CNTNAP2: variants seen among roughly 807,000 people sequenced by gnomAD.
The protein encoded by CNTNAP2 is contactin-associated protein-like 2.
CNTNAP2 carries 98 observed loss-of-function variants against 155.2 expected under a neutral mutation model. The ratio of observed to expected loss-of-function variants is 0.63; its 90% CI spans 0.54 to 0.75. CNTNAP2 has a LOEUF of 0.75. Ranked by LOEUF, CNTNAP2 falls within the 30% of genes least tolerant of loss-of-function variation. The pLI is 0.00. For synonymous variants in CNTNAP2, 651 were observed against 631.2 expected (o/e 1.03, Z -0.47); for missense variants, 1,727 against 1,688.1 (o/e 1.02, Z -0.40).
chr7:146,519,185 G>A (rs1424206326), intron 1 of CNTNAP2, among the ~76,000 whole-genome samples: 2 of 151,712 alleles, frequency 1.3e-5, no homozygotes, highest in Non-Finnish European at 2.9e-5. Flanking sequence ...ATAATATAAG[G>A]CAGTTTGCTG....
At chr7:146,884,246 C>A (rs574780154) in intron 3 of CNTNAP2, among the ~76,000 whole-genome samples, 1 of 151,982 alleles carries the variant, frequency 6.6e-6, no homozygotes, top group Admixed American at 6.6e-5. Flanking sequence ...TTGATCCCCA[C>A]GTTTGGTTGA....
At chr7:146,902,882 A>G (rs1219493981) in intron 3 of CNTNAP2, among the ~76,000 whole-genome samples, 1 of 152,194 alleles carries the variant, frequency 6.6e-6, no homozygotes, top group East Asian at 1.9e-4. Flanking sequence ...ACGTGTGGTA[A>G]GGTCATGAAA....
chr7:148,183,410 A>G (rs1795069520), intron 18 of CNTNAP2, among the ~76,000 whole-genome samples: 1 of 151,886 alleles, frequency 6.6e-6, no homozygotes, highest in Admixed American at 6.6e-5. Flanking sequence ...GTTTTAAAGC[A>G]TCTCAATTTT....
chr7:147,240,692 T>C (rs1432137320), intron 8 of CNTNAP2, among the ~76,000 whole-genome samples: 1 of 152,136 alleles, frequency 6.6e-6, no homozygotes, highest in Non-Finnish European at 1.5e-5. Flanking sequence ...CAGCACTGAG[T>C]AGGTCTCAGC....
intron 1 of CNTNAP2, among the ~76,000 whole-genome samples, chr7:146,288,230 C>T (rs1012620292): frequency 5.4e-5 from 8 of 148,142 alleles, no homozygotes; most frequent in African/African-American, 1.8e-4. Context: ...CCTGGGAGGC[C>T]GAGGCTACAG....
chr7:147,562,213 G>T lies in CNTNAP2; in HGVS notation c.1853G>T (p.Gly618Val). 6.2e-7 allele frequency: 1 copy of T among 1,614,006 alleles called. No homozygotes were observed. The highest frequency in any genetic ancestry group is 8.5e-7 in the Non-Finnish European group (1 of 1,179,936). ...AATTATTACTGGATAGATCCTGATG[G>T]CAGCGGACCTCTGGGGCCTCTGAAA... ...TSNYYWIDPD[G>V]SGPLGPLKVY... The change falls in exon 12 of 24, where the codon GGC becomes GTC. Residue 618 changes from glycine (G) to valine (V), a missense_variant. By Grantham distance (109) the Gly-to-Val change is moderately radical (BLOSUM62 -3). Coordinates refer to ENST00000361727, the MANE Select transcript of CNTNAP2 (RefSeq NM_014141.6).
chr7:146,675,635 A>T (rs544264109), intron 1 of CNTNAP2, among the ~76,000 whole-genome samples: 152 of 152,182 alleles, frequency 1.0e-3, no homozygotes, highest in Non-Finnish European at 1.8e-3. Flanking sequence ...TAAAGAGGTG[A>T]ATATACTTTA....
rs73740813 is a variant in CNTNAP2, at chr7:146,716,830, C to T, written c.98-57441C>T. Among the ~76,000 whole-genome samples, 175 of 152,236 alleles carry T rather than the reference C, an allele frequency of 1.1e-3. 2 individuals carry two copies. Among genetic ancestry groups the T allele is most frequent in the African/African-American group, 3.8e-3 (159 of 41,552 alleles). On this transcript the variant is annotated intron_variant, in intron 1 of 23. Coordinates refer to ENST00000361727, the MANE Select transcript of CNTNAP2 (RefSeq NM_014141.6). ...TTAGTGAGGAAGGATAAAGCTTAAG[C>T]GGGAGCTTGGACTAGATAACTGCTA... is the stretch of plus-strand genomic sequence containing the variant.
At chr7:147,856,603 C>A (rs1349341245) in intron 13 of CNTNAP2, among the ~76,000 whole-genome samples, 1 of 149,894 alleles carries the variant, frequency 6.7e-6, no homozygotes, top group Non-Finnish European at 1.5e-5. Context: ...ACAAAGAGTG[C>A]CGTAATTATG....
chr7:147,508,922 G>A (rs1283222628), intron 11 of CNTNAP2, among the ~76,000 whole-genome samples: 1 of 152,144 alleles, frequency 6.6e-6, no homozygotes, highest in Admixed American at 6.5e-5. Flanking sequence ...TTTCTTCATA[G>A]CAGTATGAAA....
intron 12 of CNTNAP2, among the ~76,000 whole-genome samples, chr7:147,601,402 C>A (rs1475943898): frequency 2.6e-5 from 4 of 151,556 alleles, no homozygotes. Context: ...GTGGGGGACA[C>A]AAGGTGCTCA....
At chr7:147,467,768 C>T (rs1055830456) in intron 10 of CNTNAP2, among the ~76,000 whole-genome samples, 4 of 152,144 alleles carry the variant, frequency 2.6e-5, no homozygotes, top group African/African-American at 9.7e-5. Context: ...ATTGTGGCTA[C>T]ACCTGTTACC....
chr7:147,552,973 A>T (rs1799880757), intron 11 of CNTNAP2, among the ~76,000 whole-genome samples: 1 of 152,240 alleles, frequency 6.6e-6, no homozygotes. Context: ...GCAAAAAGAA[A>T]TACAAGCTAA....
chr7:146,231,294 A>C (rs985443556), intron 1 of CNTNAP2, among the ~76,000 whole-genome samples: 1 of 152,210 alleles, frequency 6.6e-6, no homozygotes, highest in Non-Finnish European at 1.5e-5. Context: ...GTAAAGCTAT[A>C]GTGGTACTCT....
At chr7:147,928,855 C>A (rs1490489427) in intron 14 of CNTNAP2, among the ~76,000 whole-genome samples, 1 of 152,006 alleles carries the variant, frequency 6.6e-6, no homozygotes, top group Non-Finnish European at 1.5e-5. Context: ...CTTTGAGAGG[C>A]TGAAGGGGGC....
At chr7:148,162,013 A>C (rs1280382779) in intron 17 of CNTNAP2, among the ~76,000 whole-genome samples, 1 of 152,228 alleles carries the variant, frequency 6.6e-6, no homozygotes, top group African/African-American at 2.4e-5. Flanking sequence ...TGGGACTAGC[A>C]TCCGCAAAGG....
chr7:147,325,280 G>T (rs1241193126), intron 9 of CNTNAP2, among the ~76,000 whole-genome samples: 2 of 152,056 alleles, frequency 1.3e-5, no homozygotes, highest in African/African-American at 4.8e-5. Context: ...AGTCTGGGAT[G>T]GGAGACAGGG....
intron 23 of CNTNAP2, among the ~76,000 whole-genome samples, chr7:148,410,389 G>A (rs922254483): frequency 1.3e-5 from 2 of 152,006 alleles, no homozygotes; most frequent in Admixed American, 1.3e-4. Flanking sequence ...GGCCAACATG[G>A]TGAAACCCCA....
At chr7:147,670,656 G>A (rs1795771901) in intron 13 of CNTNAP2, among the ~76,000 whole-genome samples, 1 of 152,126 alleles carries the variant, frequency 6.6e-6, no homozygotes, top group Non-Finnish European at 1.5e-5. Flanking sequence ...AGACGTCAGG[G>A]GAAGATTACC....
Sources: allele counts gnomAD v4.1 joint callset (sites outside exome capture counted in the v4.1 genomes callset), GRCh38; gene constraint gnomAD v4.1.1; transcripts MANE v1.5; gene names NCBI Gene and HGNC (gene_info 2026-07-23, HGNC 2026-07-21).